FBLN2: variants seen among roughly 807,000 people sequenced by gnomAD.
The protein encoded by FBLN2 is fibulin-2.
In FBLN2, 81 loss-of-function variants were observed where a neutral mutation model predicts 123.7. The ratio of observed to expected loss-of-function variants is 0.65; its 90% CI spans 0.55 to 0.79. The LOEUF (loss-of-function observed/expected upper bound fraction) is 0.79. Among genes scored for constraint, FBLN2 ranks in the 30% least tolerant of loss-of-function variants. FBLN2 has a pLI of 0.00. For synonymous variants in FBLN2, 699 were observed against 701.4 expected (o/e 1.00, Z 0.05); for missense variants, 1,603 against 1,681.3 (o/e 0.95, Z 0.81).
Position 13,638,382 on chromosome 3 carries a change from G to C in FBLN2, c.*463G>C. Reference sequence around the variant, plus strand: ...AAAAAAAGTTCAACTAGTATGAAAGGGTTATAAAGTAACAGAGGAAAACGC... The same window carrying C: ...AAAAAAAGTTCAACTAGTATGAAAGCGTTATAAAGTAACAGAGGAAAACGC... On this transcript the variant is annotated 3_prime_UTR_variant, in exon 18 of 18. Transcript: ENST00000404922. The C allele has an allele frequency of 5.7e-6, 2 of 352,764 alleles. No homozygotes were observed. The highest frequency in any genetic ancestry group is 4.5e-5 in the South Asian group (2 of 44,746). 21.9% of individuals were successfully genotyped at this position (352,764 alleles called of 1,614,324 possible).
At chr3:13,555,485 C>T (rs564959989) in intron 1 of FBLN2, among the ~76,000 whole-genome samples, 2 of 151,698 alleles carry the variant, frequency 1.3e-5, no homozygotes, top group Middle Eastern at 3.4e-3. Context: ...GATGGAGTCT[C>T]GCTATGTTGC....
At chr3:13,556,004 G>A (rs935901221) in intron 1 of FBLN2, among the ~76,000 whole-genome samples, 5 of 152,176 alleles carry the variant, frequency 3.3e-5, no homozygotes, top group Admixed American at 3.3e-4. Flanking sequence ...GGCTGCCTTG[G>A]CATGTTTCGT....
intron 2 of FBLN2, among the ~76,000 whole-genome samples, chr3:13,579,236 G>C (rs1704244636): frequency 6.6e-6 from 1 of 152,192 alleles, no homozygotes; most frequent in South Asian, 2.1e-4. Context: ...TAATGATGCT[G>C]AGCATGTGTT....
chr3:13,556,678 C>T (rs1158078441), intron 1 of FBLN2, among the ~76,000 whole-genome samples: 1 of 152,218 alleles, frequency 6.6e-6, no homozygotes, highest in Non-Finnish European at 1.5e-5. Flanking sequence ...GGAGGAGTGA[C>T]CCCTCTTTGG....
chr3:13,600,117 C>T (rs1193479380), intron 2 of FBLN2, among the ~76,000 whole-genome samples: 1 of 147,690 alleles, frequency 6.8e-6, no homozygotes, highest in Admixed American at 6.7e-5. Flanking sequence ...GAGAGGTGGT[C>T]TCAGAAGGAG....
In FBLN2 at chr3:13,619,820, T is replaced by C; in HGVS notation, c.2144T>C (p.Val715Ala). The part of the protein sequence containing the change: ...FPGYAIMADG[V>A]SCEDQDECLM... ...GGCTATGCCATCATGGCGGATGGCGTGTCCTGTGAAGGTGAGTGCCTTGGG... is the reference window on the plus strand; with the variant it reads ...GGCTATGCCATCATGGCGGATGGCGCGTCCTGTGAAGGTGAGTGCCTTGGG... The change falls in exon 8 of 18, where the codon GTG (valine) becomes GCG (alanine). Residue 715 changes from valine to alanine, a missense_variant. Coordinates refer to ENST00000404922, the MANE Select transcript of FBLN2 (RefSeq NM_001004019.2). 5.6e-6 allele frequency: 9 copies of C among 1,611,726 alleles called. No individual in the cohort carries two copies. Among genetic ancestry groups the C allele is most frequent in the Non-Finnish European group, 7.6e-6 (9 of 1,178,876 alleles).
intron 1 of FBLN2, among the ~76,000 whole-genome samples, chr3:13,554,478 G>A (rs568013841): frequency 4.6e-5 from 7 of 151,544 alleles, no homozygotes; most frequent in African/African-American, 1.2e-4. Flanking sequence ...AAAACACATC[G>A]TCAAAAAACA....
At position 13,608,153 on chromosome 3, in the gene FBLN2, C is replaced by A. The variant is rs1267624487; in HGVS notation, c.1398C>A (p.Gly466=). ...AGTGCCTGGAGATCCCTGAGAGTGG[C>A]ACTGAGGACAACGTCTGCAGGTAGG... ...NDECLEIPES[G]TEDNVCRTAQ... Residue 466 remains glycine (G), a synonymous_variant, in exon 3 of 18, where the codon GGC becomes GGA. Transcript: ENST00000404922. The A allele has an allele frequency of 6.3e-6, 10 of 1,591,626 alleles. No individual in the cohort carries two copies. The highest frequency in any genetic ancestry group is 8.6e-6 in the Non-Finnish European group (10 of 1,169,176).
intron 1 of FBLN2, among the ~76,000 whole-genome samples, chr3:13,564,688 C>T (rs1027728705): frequency 6.6e-6 from 1 of 152,208 alleles, no homozygotes; most frequent in African/African-American, 2.4e-5. Context: ...ATCCTGTGGC[C>T]TGTGTGCTCA....
intron 5 of FBLN2, among the ~76,000 whole-genome samples, chr3:13,614,896 TCATCTATC>T (rs1705540176): frequency 1.6e-5 from 2 of 126,856 alleles, no homozygotes; most frequent in Admixed American, 1.5e-4. Context: ...GATCATCTAT[TCATCTATC>T]CATCCATCCA....
chr3:13,610,897 A>AATTATTATTATTATTATTATTATTATT (rs112793079), intron 4 of FBLN2, among the ~76,000 whole-genome samples: 176 of 144,818 alleles, frequency 1.2e-3, no homozygotes, highest in African/African-American at 3.9e-3. Flanking sequence ...CCTTGTTTTA[A>AATTATTATTATTATTATTATTATTATT]ATTATTATTA....
chr3:13,614,312 T>C (rs1705504685), intron 5 of FBLN2, 148 bp downstream of exon 5: 1 of 826,200 alleles, frequency 1.2e-6, no homozygotes, highest in African/African-American at 1.7e-5. Flanking sequence ...GATTTCATTG[T>C]TTTCTGTGGA....
chr3:13,634,092 G>A (rs1356257215), intron 16 of FBLN2, among the ~76,000 whole-genome samples: 4 of 152,056 alleles, frequency 2.6e-5, no homozygotes, highest in African/African-American at 7.2e-5. Flanking sequence ...CAGCACTCTC[G>A]GTCTTGCCCC....
chr3:13,573,090 C>A (rs1262177425), intron 2 of FBLN2, among the ~76,000 whole-genome samples: 1 of 151,918 alleles, frequency 6.6e-6, no homozygotes, highest in South Asian at 2.1e-4. Flanking sequence ...TTGGAAAGGC[C>A]CAGAGCTCCG....
chr3:13,573,677 G>A (rs1328689488), intron 2 of FBLN2, among the ~76,000 whole-genome samples: 1 of 152,176 alleles, frequency 6.6e-6, no homozygotes, highest in African/African-American at 2.4e-5. Flanking sequence ...GCCAAGGTGG[G>A]TGGGTCACCA....
intron 9 of FBLN2, among the ~76,000 whole-genome samples, chr3:13,625,600 A>G (rs1400718675): frequency 6.6e-6 from 1 of 151,894 alleles, no homozygotes; most frequent in Non-Finnish European, 1.5e-5. Flanking sequence ...CTGCTTGGCC[A>G]GAAGCTCTGG....
intron 16 of FBLN2, among the ~76,000 whole-genome samples, chr3:13,634,964 A>G (rs942715465): frequency 6.6e-6 from 1 of 152,274 alleles, no homozygotes; most frequent in African/African-American, 2.4e-5. Context: ...TATTATTACT[A>G]TTATGTTGTT....
intron 1 of FBLN2, among the ~76,000 whole-genome samples, chr3:13,561,476 A>C (rs1006087756): frequency 6.9e-6 from 1 of 144,876 alleles, no homozygotes; most frequent in African/African-American, 2.5e-5. Flanking sequence ...CCCAGCGACC[A>C]CTCTCTTCCT....
At chr3:13,584,747 A>G (rs1214399633) in intron 2 of FBLN2, among the ~76,000 whole-genome samples, 1 of 152,154 alleles carries the variant, frequency 6.6e-6, no homozygotes, top group East Asian at 1.9e-4. Context: ...CCGTGCGGGT[A>G]TGGTGGTTGG....
Sources: allele counts gnomAD v4.1 joint callset (sites outside exome capture counted in the v4.1 genomes callset), GRCh38; gene constraint gnomAD v4.1.1; transcripts MANE v1.5; gene names NCBI Gene and HGNC (gene_info 2026-07-23, HGNC 2026-07-21).